The following ADCY1 variants were observed in gnomAD, a reference collection of about 807,000 sequenced individuals.
The protein encoded by ADCY1 is adenylate cyclase type 1.
ADCY1 carries 28 observed loss-of-function variants against 105.4 expected under a neutral mutation model. The observed-to-expected ratio is 0.27, with a 90% CI of 0.20 to 0.36. ADCY1 has a LOEUF of 0.36. Among genes scored for constraint, ADCY1 ranks in the 10% least tolerant of loss-of-function variants. The pLI is 1.00. For synonymous variants in ADCY1, 655 were observed against 623.8 expected (o/e 1.05, Z -0.75); for missense variants, 977 against 1,434.2 (o/e 0.68, Z 5.15).
chr7:45,609,290 G>A (rs1793465293), intron 2 of ADCY1, among the ~76,000 whole-genome samples: 1 of 152,228 alleles, frequency 6.6e-6, no homozygotes, highest in Non-Finnish European at 1.5e-5. Flanking sequence ...AGCCTGTGCA[G>A]GAGGGACTCC....
chr7:45,623,671 A>G (rs1023330627), intron 4 of ADCY1, among the ~76,000 whole-genome samples: 1 of 152,190 alleles, frequency 6.6e-6, no homozygotes, highest in Non-Finnish European at 1.5e-5. Context: ...CCCTATTTGC[A>G]AGTGATGGAA....
intron 5 of ADCY1, among the ~76,000 whole-genome samples, chr7:45,650,594 C>T (rs1232808444): frequency 1.3e-5 from 2 of 152,088 alleles, no homozygotes; most frequent in Non-Finnish European, 2.9e-5. Flanking sequence ...GGCCTTCTGC[C>T]CTTGAAGGTT....
chr7:45,599,034 G>C, intron 2 of ADCY1, among the ~76,000 whole-genome samples: 1 of 152,190 alleles, frequency 6.6e-6, no homozygotes, highest in Non-Finnish European at 1.5e-5. Context: ...CTAGGAGCGA[G>C]GGGCAGGGCA....
At chr7:45,641,946 A>AAAAAAAAAAAAG (rs1562702616) in intron 4 of ADCY1, among the ~76,000 whole-genome samples, 1 of 143,294 alleles carries the variant, frequency 7.0e-6, no homozygotes, top group Non-Finnish European at 1.5e-5. Context: ...AAAAAAAAAA[A>AAAAAAAAAAAAG]TGTCTTTTCA....
chr7:45,692,266 C>G (rs1784798677), intron 14 of ADCY1, among the ~76,000 whole-genome samples: 1 of 152,214 alleles, frequency 6.6e-6, no homozygotes, highest in Non-Finnish European at 1.5e-5. Context: ...TACCTACACA[C>G]AAAGTGTTAC....
chr7:45,668,951 G>A (rs778852950), intron 8 of ADCY1, among the ~76,000 whole-genome samples: 2 of 152,182 alleles, frequency 1.3e-5, no homozygotes, highest in Non-Finnish European at 2.9e-5. Context: ...ATGGTAGTTT[G>A]TATTTCTGTG....
intron 19 of ADCY1, among the ~76,000 whole-genome samples, chr7:45,711,607 G>GTGTA (rs1422085646): frequency 4.2e-5 from 3 of 70,808 alleles, no homozygotes; most frequent in South Asian, 5.4e-4. Context: ...ACTTCGTGCT[G>GTGTA]TATATATATA....
intron 14 of ADCY1, among the ~76,000 whole-genome samples, chr7:45,701,010 A>G (rs2116252786): frequency 6.6e-6 from 1 of 152,360 alleles, no homozygotes; most frequent in East Asian, 1.9e-4. Flanking sequence ...GATTTCTGAA[A>G]CAGAAGGACA....
At chr7:45,629,924 AG>A (rs939886833) in intron 4 of ADCY1, among the ~76,000 whole-genome samples, 2 of 152,222 alleles carry the variant, frequency 1.3e-5, no homozygotes, top group Non-Finnish European at 2.9e-5. Flanking sequence ...CATCCTCATC[AG>A]CACTTGATGT....
Position 45,679,490 on chromosome 7 carries a change from G to T in ADCY1, c.1899-219G>T, listed in dbSNP as rs75038450. ...GAAGTGGGAGGTAGACTCAGGAGGG[G>T]CCCCCTTCTTACTCAGGAACCCCAG... is the stretch of plus-strand genomic sequence containing the variant. On this transcript the variant is annotated intron_variant, in intron 10 of 19. Coordinates refer to ENST00000297323, the MANE Select transcript of ADCY1 (RefSeq NM_021116.4). Among the ~76,000 whole-genome samples the T allele has an allele frequency of 3.2e-3, 492 of 152,224 alleles. 6 individuals are homozygous for T. Among genetic ancestry groups the T allele is most frequent in the African/African-American group, 0.012 (480 of 41,534 alleles).
At chr7:45,628,431 T>C (rs1794127247) in intron 4 of ADCY1, among the ~76,000 whole-genome samples, 1 of 152,144 alleles carries the variant, frequency 6.6e-6, no homozygotes, top group Admixed American at 6.5e-5. Context: ...AACACATCTT[T>C]CTTCACACAG....
intron 4 of ADCY1, among the ~76,000 whole-genome samples, chr7:45,625,096 C>T (rs939431652): frequency 5.3e-5 from 8 of 152,288 alleles, no homozygotes; most frequent in African/African-American, 1.2e-4. Flanking sequence ...GAAGGTGTCA[C>T]GGAGAGCTGC....
intron 14 of ADCY1, among the ~76,000 whole-genome samples, chr7:45,696,590 A>C (rs775561011): frequency 6.6e-6 from 1 of 152,188 alleles, no homozygotes; most frequent in Non-Finnish European, 1.5e-5. Flanking sequence ...TGTGGAAACA[A>C]GGGAGCTTGT....
intron 1 of ADCY1, among the ~76,000 whole-genome samples, chr7:45,583,851 G>A (rs969255609): frequency 6.6e-6 from 1 of 151,440 alleles, no homozygotes; most frequent in African/African-American, 2.4e-5. Context: ...TGTTCGTCAG[G>A]CTGGTCTCGA....
intron 3 of ADCY1, among the ~76,000 whole-genome samples, chr7:45,614,502 T>C (rs1416450980): frequency 2.0e-5 from 3 of 152,102 alleles, no homozygotes; most frequent in Non-Finnish European, 2.9e-5. Context: ...CCGAGACTAA[T>C]AGAATACATT....
At chr7:45,592,959 A>T in intron 2 of ADCY1, 51 bp downstream of exon 2, 1 of 1,600,942 alleles carries the variant, frequency 6.2e-7, no homozygotes, top group Non-Finnish European at 8.5e-7. Flanking sequence ...GGGGCTGGGG[A>T]GGTGGAAGAA....
chr7:45,611,240 G>T (rs928745999), intron 3 of ADCY1, among the ~76,000 whole-genome samples: 3 of 151,894 alleles, frequency 2.0e-5, no homozygotes, highest in Non-Finnish European at 4.4e-5. Flanking sequence ...GGAGGAGAGG[G>T]CAGATGTGGT....
rs1183018713 is a variant in ADCY1 at position 45,722,290 on chromosome 7, C to G, written c.*8295C>G. The G allele has an allele frequency of 6.4e-6, 1 of 155,370 alleles. No homozygotes were observed. Among genetic ancestry groups the G allele is most frequent in the African/African-American group, 2.4e-5 (1 of 41,598 alleles). The allele number at this position is 155,370 out of a possible 1,614,324, so 9.6% of individuals were successfully genotyped here. Reference sequence around the variant, plus strand: ...GCAAGCCATTTGCACTCTGGAACTGCATGCCGTGAAAACTCCTAATGGTGT... The same window carrying G: ...GCAAGCCATTTGCACTCTGGAACTGGATGCCGTGAAAACTCCTAATGGTGT... On this transcript the variant is annotated 3_prime_UTR_variant, in exon 20 of 20. Transcript: ENST00000297323.
intron 1 of ADCY1, among the ~76,000 whole-genome samples, chr7:45,579,388 G>C (rs527405220): frequency 2.4e-4 from 36 of 151,232 alleles, no homozygotes; most frequent in African/African-American, 7.8e-4. Flanking sequence ...CTTCCTCCCC[G>C]GCTGGGATCC....
Sources: allele counts gnomAD v4.1 joint callset (sites outside exome capture counted in the v4.1 genomes callset), GRCh38; gene constraint gnomAD v4.1.1; transcripts MANE v1.5; gene names NCBI Gene and HGNC (gene_info 2026-07-23, HGNC 2026-07-21).